Variants in RIMS1 observed in about 807,000 individuals in gnomAD.
RIMS1 encodes regulating synaptic membrane exocytosis protein 1.
RIMS1 carries 83 observed loss-of-function variants against 214.1 expected under a neutral mutation model. The observed-to-expected ratio is 0.39, with a 90% confidence interval of 0.32 to 0.47. RIMS1 has a LOEUF of 0.47. Among genes scored for constraint, RIMS1 ranks in the 20% least tolerant of loss-of-function variants. The pLI is 0.99. For missense variants in RIMS1, 2,050 were observed against 2,161.8 expected, an observed-to-expected ratio of 0.95 and a Z score of 1.03; for synonymous variants, 793 against 786.8, an observed-to-expected ratio of 1.01 and a Z score of -0.13.
At chr6:72,302,268 A>G (rs2094693362) in intron 26 of RIMS1, among the ~76,000 whole-genome samples, 1 of 151,614 alleles carries the variant, frequency 6.6e-6, no homozygotes, top group African/African-American at 2.4e-5. Context: ...GCTTATCCAT[A>G]TAAACAATTC....
chr6:72,125,136 G>A (rs559704071), intron 4 of RIMS1, among the ~76,000 whole-genome samples: 1 of 152,294 alleles, frequency 6.6e-6, no homozygotes, highest in East Asian at 1.9e-4. Flanking sequence ...TTTGATCTTT[G>A]ATGATGGTGA....
chr6:72,031,102 C>CT (rs1264242675), intron 2 of RIMS1, among the ~76,000 whole-genome samples: 1 of 152,108 alleles, frequency 6.6e-6, no homozygotes, highest in African/African-American at 2.4e-5. Flanking sequence ...AATTATGAAA[C>CT]TTTCTTTTGC....
intron 2 of RIMS1, among the ~76,000 whole-genome samples, chr6:72,058,647 C>T (rs1351027164): frequency 6.6e-6 from 1 of 152,174 alleles, no homozygotes. Context: ...GGTTCTGGTT[C>T]CTCCCCAAAG....
At chr6:72,096,108 C>T (rs2496543) in intron 2 of RIMS1, among the ~76,000 whole-genome samples, 69,472 of 152,014 alleles carry the variant, frequency 0.46, 16,476 homozygotes, top group East Asian at 0.67. Flanking sequence ...TAAATGTGAA[C>T]ATTCTAATGG....
chr6:71,933,682 TCACACA>T (rs10642216), intron 1 of RIMS1, among the ~76,000 whole-genome samples: 29 of 139,310 alleles, frequency 2.1e-4, no homozygotes, highest in African/African-American at 5.4e-4. Context: ...TCTTCCTCAA[TCACACA>T]CACACACACA....
intron 2 of RIMS1, among the ~76,000 whole-genome samples, chr6:72,015,248 A>C (rs140765188): frequency 2.6e-4 from 40 of 152,340 alleles, no homozygotes; most frequent in African/African-American, 9.4e-4. Context: ...ACATGAGGTC[A>C]GGTGTGCAAT....
intron 4 of RIMS1, among the ~76,000 whole-genome samples, chr6:72,110,680 T>TGA (rs2035886162): frequency 1.3e-5 from 2 of 151,474 alleles, no homozygotes; most frequent in African/African-American, 4.9e-5. Flanking sequence ...TTTTCCTAAT[T>TGA]GAATACCCTT....
At chr6:72,305,585 G>A (rs77101848) in intron 26 of RIMS1, among the ~76,000 whole-genome samples, 1 of 152,052 alleles carries the variant, frequency 6.6e-6, no homozygotes, top group Admixed American at 6.6e-5. Context: ...TTTCTATATT[G>A]CATATGTCTT....
chr6:72,270,472 G>A (rs1591395795), intron 22 of RIMS1, among the ~76,000 whole-genome samples: 1 of 152,194 alleles, frequency 6.6e-6, no homozygotes, highest in Non-Finnish European at 1.5e-5. Flanking sequence ...TCGTTCATTT[G>A]GGGAGTTTAG....
chr6:72,277,993 GTTA>G (rs1005527908), intron 23 of RIMS1, among the ~76,000 whole-genome samples: 3 of 152,042 alleles, frequency 2.0e-5, no homozygotes, highest in Admixed American at 6.6e-5. Context: ...GCTAGTGTAA[GTTA>G]TTATTAAATA....
chr6:71,973,305 T>C (rs1033852342), intron 2 of RIMS1, among the ~76,000 whole-genome samples: 10 of 152,156 alleles, frequency 6.6e-5, no homozygotes, highest in African/African-American at 2.4e-4. Flanking sequence ...ACCCAGAACA[T>C]CAGGTTGTGC....
intron 1 of RIMS1, among the ~76,000 whole-genome samples, chr6:71,910,098 A>AACCTC (rs1370852303): frequency 2.0e-5 from 3 of 152,210 alleles, no homozygotes; most frequent in African/African-American, 7.2e-5. Context: ...CAGTAGTAAG[A>AACCTC]ACCTCTGGAA....
chr6:72,142,861 A>G (rs1385796319), intron 4 of RIMS1, among the ~76,000 whole-genome samples: 1 of 152,124 alleles, frequency 6.6e-6, no homozygotes, highest in Non-Finnish European at 1.5e-5. Context: ...TGGACTTAGG[A>G]AGGGAATAAC....
chr6:72,390,571 A>G, intron 29 of RIMS1, 27 bp from the exon 30 acceptor site: 2 of 1,592,590 alleles, frequency 1.3e-6, no homozygotes, highest in Non-Finnish European at 8.6e-7. Flanking sequence ...AATAAAACTT[A>G]GAGTTTCTTT....
At chr6:71,939,662 G>C (rs1785449716) in intron 1 of RIMS1, among the ~76,000 whole-genome samples, 1 of 152,170 alleles carries the variant, frequency 6.6e-6, no homozygotes, top group Non-Finnish European at 1.5e-5. Flanking sequence ...GAAAGTGAGA[G>C]TGCAAGAGAC....
chr6:72,130,067 C>A (rs769856607), intron 4 of RIMS1, among the ~76,000 whole-genome samples: 3 of 152,012 alleles, frequency 2.0e-5, no homozygotes, highest in Admixed American at 1.3e-4. Context: ...AGTTAGAAAT[C>A]TCAACCGATT....
At chr6:72,266,759 T>C (rs2080764947) in intron 22 of RIMS1, among the ~76,000 whole-genome samples, 1 of 152,132 alleles carries the variant, frequency 6.6e-6, no homozygotes, top group African/African-American at 2.4e-5. Context: ...GATGGAACTC[T>C]TTTAATAGAC....
At chr6:72,114,931 A>G (rs1415939862) in intron 4 of RIMS1, among the ~76,000 whole-genome samples, 1 of 151,912 alleles carries the variant, frequency 6.6e-6, no homozygotes, top group Admixed American at 6.6e-5. Context: ...AAAGTTCTAG[A>G]AGATACTTGA....
Position 72,145,454 on chromosome 6 carries a change from A to G in RIMS1, c.472-34121A>G, listed in dbSNP as rs151198559. On this transcript the variant is annotated intron_variant, in intron 4 of 33. Transcript: ENST00000521978. Reference sequence around the variant, plus strand: ...TGGTGAAAGCCTGTCTTTACTAAAAATACAAAAATTAGCTGGGCCTGGTGG... The same window carrying G: ...TGGTGAAAGCCTGTCTTTACTAAAAGTACAAAAATTAGCTGGGCCTGGTGG... Among the ~76,000 whole-genome samples, 444 of 152,294 alleles carry G rather than the reference A, an allele frequency of 2.9e-3. 1 individual carries two copies. The highest frequency in any genetic ancestry group is 5.0e-3 in the Non-Finnish European group (343 of 68,022).
Sources: gnomAD v4.1 joint callset for allele counts (sites outside exome capture counted in the v4.1 genomes callset) on GRCh38, gnomAD v4.1.1 for gene constraint, MANE v1.5 for transcripts, NCBI Gene and HGNC (gene_info 2026-07-23, HGNC 2026-07-21) for gene names.